The following MNAT1 variants were observed in gnomAD, a reference collection of about 807,000 sequenced individuals.
MNAT1 encodes CDK-activating kinase assembly factor MAT1.
A neutral mutation model predicts 42.0 loss-of-function variants in MNAT1; 43 were observed. The observed-to-expected ratio is 1.02, with a 90% confidence interval of 0.80 to 1.32. The LOEUF is 1.32. Ranked by LOEUF, MNAT1 falls within the 40% of genes most tolerant of loss-of-function variation. MNAT1 has a pLI of 0.00. For missense variants in MNAT1, 306 were observed against 350.4 expected, an observed-to-expected ratio of 0.87 and a Z score of 1.01; for synonymous variants, 118 against 120.0, an observed-to-expected ratio of 0.98 and a Z score of 0.11.
chr14:60,946,972 G>C (rs930692653), intron 7 of MNAT1, among the ~76,000 whole-genome samples: 8 of 152,174 alleles, frequency 5.3e-5, no homozygotes, highest in Admixed American at 2.0e-4. Flanking sequence ...TCATGTGGCA[G>C]AGAGACAGCA....
intron 6 of MNAT1, among the ~76,000 whole-genome samples, chr14:60,870,438 C>G (rs561892147): frequency 6.9e-4 from 105 of 152,172 alleles, no homozygotes; most frequent in Non-Finnish European, 1.3e-3. Context: ...ACAACAGTAA[C>G]AAAAACAGAA....
At chr14:60,768,978 CA>C (rs1430434597) in intron 1 of MNAT1, among the ~76,000 whole-genome samples, 1 of 152,060 alleles carries the variant, frequency 6.6e-6, no homozygotes, top group Non-Finnish European at 1.5e-5. Flanking sequence ...TATTTTTTTG[CA>C]TACAAAAAGT....
At chr14:60,747,703 T>A (rs1000942073) in intron 1 of MNAT1, among the ~76,000 whole-genome samples, 2 of 152,208 alleles carry the variant, frequency 1.3e-5, no homozygotes, top group Non-Finnish European at 2.9e-5. Context: ...ACACTTAGGC[T>A]ACACTAAATT....
intron 7 of MNAT1, among the ~76,000 whole-genome samples, chr14:60,935,140 G>GT (rs1233111687): frequency 6.6e-6 from 1 of 152,050 alleles, no homozygotes. Flanking sequence ...TTTTCCCTAA[G>GT]TTTTTGTTGA....
chr14:60,962,678 C>G (rs1411098555), intron 7 of MNAT1, among the ~76,000 whole-genome samples: 4 of 152,164 alleles, frequency 2.6e-5, no homozygotes, highest in Non-Finnish European at 2.9e-5. Flanking sequence ...GGCAGAAAGT[C>G]TTCTCCGAGC....
rs541884287 is a variant in MNAT1, at chr14:60,781,298, G to A, written c.90-14919G>A. On this transcript the variant is annotated intron_variant, in intron 1 of 7. Transcript: ENST00000261245. ...AAAGAAGCAAGTGGATTTGTGTGGTGTAATTTGCCTGCTCATATAATCCAC... is the reference window on the plus strand; with the variant it reads ...AAAGAAGCAAGTGGATTTGTGTGGTATAATTTGCCTGCTCATATAATCCAC... Among the ~76,000 whole-genome samples the A allele has an allele frequency of 4.6e-5, 7 of 152,208 alleles. No individual in the cohort carries two copies. In the East Asian group the frequency reaches 7.7e-4, roughly 17 times the overall value.
At chr14:60,793,200 CTTGT>C (rs774834071) in intron 1 of MNAT1, among the ~76,000 whole-genome samples, 17 of 151,038 alleles carry the variant, frequency 1.1e-4, no homozygotes, top group African/African-American at 3.9e-4. Flanking sequence ...TTGTTTTTTG[CTTGT>C]TTGTTTGTTT....
chr14:60,938,490 G>T (rs998037373), intron 7 of MNAT1, among the ~76,000 whole-genome samples: 2 of 152,122 alleles, frequency 1.3e-5, no homozygotes, highest in African/African-American at 4.8e-5. Context: ...ATAATCATGT[G>T]TTTTTTGTCG....
intron 1 of MNAT1, among the ~76,000 whole-genome samples, chr14:60,765,365 C>A (rs557116785): frequency 6.6e-6 from 1 of 152,020 alleles, no homozygotes; most frequent in Non-Finnish European, 1.5e-5. Context: ...CACACTGGGG[C>A]CTGTCGGTGG....
At chr14:60,932,596 T>G (rs2035913447) in intron 7 of MNAT1, among the ~76,000 whole-genome samples, 1 of 152,012 alleles carries the variant, frequency 6.6e-6, no homozygotes, top group Non-Finnish European at 1.5e-5. Flanking sequence ...AGTTTACCAC[T>G]TTAGAAAACT....
chr14:60,908,079 A>G (rs769198379), intron 7 of MNAT1, among the ~76,000 whole-genome samples: 157 of 152,124 alleles, frequency 1.0e-3, no homozygotes, highest in Middle Eastern at 3.2e-3. Context: ...ATTTTAATGC[A>G]CTCATTGACA....
At chr14:60,906,261 A>C (rs1273485283) in intron 7 of MNAT1, among the ~76,000 whole-genome samples, 2 of 152,156 alleles carry the variant, frequency 1.3e-5, no homozygotes, top group African/African-American at 2.4e-5. Context: ...GGCAGGCTAG[A>C]CCTAGTTGAT....
At chr14:60,800,917 G>A (rs1193061186) in intron 3 of MNAT1, among the ~76,000 whole-genome samples, 1 of 152,126 alleles carries the variant, frequency 6.6e-6, no homozygotes, top group Non-Finnish European at 1.5e-5. Context: ...CTTTATGGAT[G>A]GGGATATGTG....
intron 1 of MNAT1, among the ~76,000 whole-genome samples, chr14:60,787,200 A>G (rs2031678212): frequency 6.6e-6 from 1 of 152,194 alleles, no homozygotes; most frequent in African/African-American, 2.4e-5. Flanking sequence ...TCATAATACA[A>G]CAAATAGCAC....
chr14:60,749,377 T>C (rs1226176011), intron 1 of MNAT1, among the ~76,000 whole-genome samples: 1 of 152,192 alleles, frequency 6.6e-6, no homozygotes, highest in Non-Finnish European at 1.5e-5. Flanking sequence ...CAAATACAAA[T>C]AGAAATGGAA....
intron 7 of MNAT1, among the ~76,000 whole-genome samples, chr14:60,886,028 C>T (rs942207415): frequency 2.6e-5 from 4 of 151,832 alleles, no homozygotes; most frequent in African/African-American, 9.7e-5. Flanking sequence ...AGCCTTTTTC[C>T]ATTGTATGTT....
At chr14:60,820,154 T>TA (rs1180971786) in intron 6 of MNAT1, among the ~76,000 whole-genome samples, 1 of 151,958 alleles carries the variant, frequency 6.6e-6, no homozygotes, top group Non-Finnish European at 1.5e-5. Context: ...AGTTTACTGG[T>TA]AAAAGACCAG....
intron 7 of MNAT1, among the ~76,000 whole-genome samples, chr14:60,923,791 C>T (rs1291978720): frequency 6.6e-6 from 1 of 152,026 alleles, no homozygotes; most frequent in Admixed American, 6.6e-5. Flanking sequence ...CCAGCTTGGG[C>T]AATATGGTGG....
intron 6 of MNAT1, among the ~76,000 whole-genome samples, chr14:60,856,669 C>T (rs1309454178): frequency 6.6e-6 from 1 of 151,516 alleles, no homozygotes; most frequent in Non-Finnish European, 1.5e-5. Flanking sequence ...TAAGTTGAAG[C>T]CAGTGCTCAT....
Sources: allele counts gnomAD v4.1 joint callset (sites outside exome capture counted in the v4.1 genomes callset), GRCh38; gene constraint gnomAD v4.1.1; transcripts MANE v1.5; gene names NCBI Gene and HGNC (gene_info 2026-07-23, HGNC 2026-07-21).